DNAH11: variants seen among roughly 807,000 people sequenced by gnomAD.
DNAH11 encodes axonemal beta dynein heavy chain 11.
Under a neutral mutation model 526.0 loss-of-function variants are expected in DNAH11, and 442 were observed. The observed-to-expected ratio is 0.84, with a 90% CI of 0.78 to 0.91. DNAH11 has a LOEUF of 0.91. Among genes scored for constraint, DNAH11 ranks in the 40% least tolerant of loss-of-function variants. DNAH11 has a pLI of 0.00. For synonymous variants in DNAH11, 2,461 were observed against 1,935.9 expected, an observed-to-expected ratio of 1.27 and a Z score of -7.12; for missense variants, 6,989 against 5,448.7, an observed-to-expected ratio of 1.28 and a Z score of -8.90.
intron 25 of DNAH11, among the ~76,000 whole-genome samples, chr7:21,622,308 T>C (rs373477364): frequency 1.3e-5 from 2 of 151,960 alleles, no homozygotes; most frequent in Non-Finnish European, 2.9e-5. Context: ...CACTGCTCAA[T>C]GAAATAAAAG....
chr7:21,655,726 C>T (rs1583567458), intron 28 of DNAH11, 106 bp from the exon 29 acceptor site: 2 of 1,165,224 alleles, frequency 1.7e-6, no homozygotes, highest in Non-Finnish European at 2.4e-6. Context: ...TTTGAGACAA[C>T]TCTAACTCCA....
At chr7:21,643,303 T>TAACTGAC in intron 28 of DNAH11, among the ~76,000 whole-genome samples, 1 of 152,342 alleles carries the variant, frequency 6.6e-6, no homozygotes, top group South Asian at 2.1e-4. Context: ...TACCTTAAAA[T>TAACTGAC]AACTGACAAC....
chr7:21,811,085 A>C (rs905097350), intron 63 of DNAH11, among the ~76,000 whole-genome samples: 1 of 152,200 alleles, frequency 6.6e-6, no homozygotes, highest in African/African-American at 2.4e-5. Flanking sequence ...TACACAACAG[A>C]ATGTTATTCA....
chr7:21,772,994 G>A (rs1245413061), intron 55 of DNAH11, among the ~76,000 whole-genome samples: 2 of 152,290 alleles, frequency 1.3e-5, no homozygotes, highest in East Asian at 1.9e-4. Flanking sequence ...AGTTGGTGTA[G>A]CTCATTTAAT....
chr7:21,727,458 C>T (rs1003730346), intron 45 of DNAH11, among the ~76,000 whole-genome samples: 1 of 152,198 alleles, frequency 6.6e-6, no homozygotes, highest in African/African-American at 2.4e-5. Flanking sequence ...TGTTTAATCT[C>T]GTCTATTCAC....
rs1305489304 is a variant in DNAH11, at chr7:21,601,412, G to A, written c.3442G>A (p.Glu1148Lys). The A allele has an allele frequency of 1.9e-6, 3 of 1,612,386 alleles. No homozygotes were observed. The highest frequency in any genetic ancestry group is 2.5e-6 in the Non-Finnish European group (3 of 1,179,158). ...FVIDSLNELQ[E>K]FIKETDSGLQ... ...ATTTAATAGTCTGAATGAGCTACAA[G>A]AATTTATAAAGGAGACAGATTCCGG... Residue 1148 changes from glutamate to lysine, a missense_variant, in exon 18 of 82, where the codon GAA (glutamate) becomes AAA (lysine). By Grantham distance (56) the Glu-to-Lys change is moderately conservative. Coordinates refer to ENST00000409508, the MANE Select transcript of DNAH11 (RefSeq NM_001277115.2).
chr7:21,578,247 C>T (rs143048624), intron 8 of DNAH11, among the ~76,000 whole-genome samples: 38 of 152,314 alleles, frequency 2.5e-4, no homozygotes, highest in African/African-American at 7.7e-4. Flanking sequence ...TGAAGGTACA[C>T]GTATTGGGTA....
chr7:21,549,993 T>C lies in DNAH11; in HGVS notation c.495+4844T>C, dbSNP rs187264682. 5.9e-5 allele frequency among the ~76,000 whole-genome samples: 9 copies of C among 152,344 alleles called. No homozygotes were observed. The East Asian group carries it at 1.4e-3, about 23-fold the overall frequency. On this transcript the variant is annotated intron_variant, in intron 2 of 81. Coordinates refer to ENST00000409508, the MANE Select transcript of DNAH11 (RefSeq NM_001277115.2). ...GGGGAGTCCCCTGCCCGTTTCCATT[T>C]TGACCTGCTCTTTGTATAGTAGCCC...
At chr7:21,861,459 G>C (rs569911503) in intron 68 of DNAH11, among the ~76,000 whole-genome samples, 1 of 152,150 alleles carries the variant, frequency 6.6e-6, no homozygotes, top group East Asian at 1.9e-4. Context: ...ATTTCTTGTG[G>C]TTACACAAGA....
chr7:21,629,503 C>T (rs867932827), intron 25 of DNAH11, among the ~76,000 whole-genome samples: 6 of 152,100 alleles, frequency 3.9e-5, no homozygotes, highest in Middle Eastern at 3.4e-3. Context: ...AAGAATGGGG[C>T]GTTAAAGTCC....
intron 40 of DNAH11, among the ~76,000 whole-genome samples, chr7:21,708,778 C>G (rs752037229): frequency 1.3e-5 from 2 of 152,190 alleles, no homozygotes; most frequent in African/African-American, 4.8e-5. Flanking sequence ...CTTCTGGATG[C>G]CCGCATGACT....
chr7:21,883,632 A>C (rs567669020), intron 75 of DNAH11, among the ~76,000 whole-genome samples: 44 of 152,244 alleles, frequency 2.9e-4, no homozygotes, highest in Non-Finnish European at 6.2e-4. Flanking sequence ...TAATAAAAAC[A>C]TGTCATACTT....
At chr7:21,718,004 C>G in intron 43 of DNAH11, 79 bp downstream of exon 43, 1 of 1,500,940 alleles carries the variant, frequency 6.7e-7, no homozygotes, top group Non-Finnish European at 8.9e-7. Flanking sequence ...GAAGATCTTG[C>G]CTTGCCCAAG....
At chr7:21,698,553 G>C (rs187428860) in intron 36 of DNAH11, among the ~76,000 whole-genome samples, 3 of 152,226 alleles carry the variant, frequency 2.0e-5, no homozygotes, top group African/African-American at 7.2e-5. Flanking sequence ...CCACTTATAA[G>C]TGAGAACATA....
intron 55 of DNAH11, among the ~76,000 whole-genome samples, chr7:21,769,205 A>G (rs1356367711): frequency 6.6e-6 from 1 of 152,240 alleles, no homozygotes; most frequent in African/African-American, 2.4e-5. Flanking sequence ...ATATCTTCAG[A>G]TGGCTGAGGA....
At chr7:21,633,973 G>C (rs989594819) in intron 25 of DNAH11, among the ~76,000 whole-genome samples, 6 of 152,178 alleles carry the variant, frequency 3.9e-5, no homozygotes, top group Admixed American at 2.0e-4. Context: ...TGAAAGATAG[G>C]CCTGGACAGA....
At chr7:21,656,296 G>C (rs752263435) in intron 29 of DNAH11, among the ~76,000 whole-genome samples, 1 of 152,174 alleles carries the variant, frequency 6.6e-6, no homozygotes, top group African/African-American at 2.4e-5. Context: ...GACTGAGTCT[G>C]CTACAAAGAG....
chr7:21,898,930 T>C (rs944946002), intron 79 of DNAH11, among the ~76,000 whole-genome samples: 1 of 152,240 alleles, frequency 6.6e-6, no homozygotes, highest in Admixed American at 6.5e-5. Context: ...ACTCTGGTCT[T>C]GTAACCACCA....
rs1280706989 is a variant in DNAH11 at position 21,818,212 on chromosome 7, T to G, written c.10569-5T>G. ...TTATTATCTCAAATCCCACTGAATT[T>G]TAAGGTTTTTGAATGCCATTGAAAC... is the stretch of plus-strand genomic sequence containing the variant. On this transcript the variant is annotated splice_polypyrimidine_tract_variant and splice_region_variant and intron_variant, in intron 64 of 81. Transcript: ENST00000409508. 6.2e-7 allele frequency: 1 copy of G among 1,608,124 alleles called. No individual in the cohort carries two copies. Among genetic ancestry groups the G allele is most frequent in the African/African-American group, 1.3e-5 (1 of 74,874 alleles).
Sources: gnomAD v4.1 joint callset for allele counts (sites outside exome capture counted in the v4.1 genomes callset) on GRCh38, gnomAD v4.1.1 for gene constraint, MANE v1.5 for transcripts, NCBI Gene and HGNC (gene_info 2026-07-23, HGNC 2026-07-21) for gene names.